The following PGAP2 variants were observed in gnomAD, a reference collection of about 807,000 sequenced individuals.
The protein encoded by PGAP2 is post-GPI attachment to proteins 2.
Under a neutral mutation model 33.2 loss-of-function variants are expected in PGAP2, and 21 were observed. That is an observed-to-expected ratio of 0.63 (90% CI 0.45 to 0.91). PGAP2 has a LOEUF of 0.91. PGAP2 is among the 40% of genes least tolerant of loss of function. The pLI is 0.00. For missense variants in PGAP2, 345 were observed against 424.0 expected (o/e 0.81, Z 1.64); for synonymous variants, 161 against 172.9 (o/e 0.93, Z 0.54).
upstream of PGAP2, among the ~76,000 whole-genome samples, chr11:3,804,087 A>G (rs113887832): frequency 0.027 from 4,164 of 152,206 alleles, 192 homozygotes; most frequent in African/African-American, 0.094. Flanking sequence ...CACCATGCCC[A>G]GCCCATTTTT....
At chr11:3,808,295 T>TA, upstream of PGAP2, 1 of 1,551,270 alleles carries the variant, frequency 6.4e-7, no homozygotes, top group Non-Finnish European at 8.7e-7. Context: ...TTTCAACAGG[T>TA]AGATGGAACG....
chr11:3,825,567 G>A lies in PGAP2; in HGVS notation c.*109G>A. On this transcript the variant is annotated 3_prime_UTR_variant, in exon 7 of 7. Transcript: ENST00000278243. The stretch of plus-strand genomic sequence containing the variant: ...TCCTCTCTTGGCCTTACTGAAGATG[G>A]GGGAAGGGTAAGAAGGAAGGGTGTA... 3.3e-6 allele frequency: 4 copies of A among 1,219,212 alleles called. No individual in the cohort carries two copies. The highest frequency in any genetic ancestry group is 4.6e-6 in the Non-Finnish European group (4 of 872,234). 75.5% of individuals were successfully genotyped at this position (1,219,212 alleles called of 1,614,324 possible). A position where few individuals can be genotyped will look rare whatever the true frequency, so the allele number is the denominator to read the frequency against.
At chr11:3,798,499 T>C (rs1360018163) in intron 1 of PGAP2, among the ~76,000 whole-genome samples, 1 of 151,616 alleles carries the variant, frequency 6.6e-6, no homozygotes, top group Non-Finnish European at 1.5e-5. Flanking sequence ...CCAGCTAATT[T>C]TTGTATTTAT....
At chr11:3,817,748 T>G (rs1392053936) in intron 3 of PGAP2, 1 of 687,598 alleles carries the variant, frequency 1.5e-6, no homozygotes, top group Non-Finnish European at 2.7e-6. Flanking sequence ...AAGATGATGA[T>G]AGAAATGCAA....
chr11:3,813,735 G>C (rs1453074555), intron 2 of PGAP2, among the ~76,000 whole-genome samples: 11 of 152,098 alleles, frequency 7.2e-5, no homozygotes, highest in Non-Finnish European at 1.6e-4. Context: ...AGTGCCCTGG[G>C]GAAAGGAAGG....
rs747301246 is a variant in PGAP2 at position 3,825,506 on chromosome 11, GA to G, written c.*51del. 2.3e-4 allele frequency: 361 copies of G among 1,589,454 alleles called. No homozygotes were observed. The highest frequency in any genetic ancestry group is 2.7e-4 in the Non-Finnish European group (316 of 1,166,722). On this transcript the variant is annotated 3_prime_UTR_variant, in exon 7 of 7. Coordinates refer to ENST00000278243, the MANE Select transcript of PGAP2 (RefSeq NM_014489.4). Reference sequence around the variant, plus strand: ...GACGCAGCCCACTGCCCAGAAACAAGAAACACGATACCATTCTGGCCTTCCC... The same window carrying G: ...GACGCAGCCCACTGCCCAGAAACAAGAACACGATACCATTCTGGCCTTCCC...
At chr11:3,817,654 G>A (rs779066417) in intron 3 of PGAP2, 119 bp downstream of exon 3, 3 of 843,104 alleles carry the variant, frequency 3.6e-6, no homozygotes, top group South Asian at 1.4e-5. Flanking sequence ...CAAGGGGATG[G>A]GGGAAGGGTA....
upstream of PGAP2, chr11:3,808,491 G>A: frequency 7.1e-7 from 1 of 1,415,796 alleles, no homozygotes; most frequent in Non-Finnish European, 9.2e-7. Context: ...GCGGGGAGGA[G>A]CCAGCGGAGG....
chr11:3,824,475 C>A, intron 5 of PGAP2, 99 bp downstream of exon 5: 2 of 1,581,892 alleles, frequency 1.3e-6, no homozygotes, highest in African/African-American at 1.3e-5. Context: ...GAACTGAGTT[C>A]TAATGGGAAC....
chr11:3,826,329 A>G lies in PGAP2; in HGVS notation c.*871A>G, dbSNP rs1255798559. The G allele has an allele frequency of 1.3e-5, 2 of 152,130 alleles. No individual in the cohort carries two copies. 9.4% of individuals were successfully genotyped at this position (152,130 alleles called of 1,614,324 possible). On this transcript the variant is annotated 3_prime_UTR_variant, in exon 7 of 7. Coordinates refer to ENST00000278243, the MANE Select transcript of PGAP2 (RefSeq NM_014489.4). ...TGGTTGTACATTTTATTTGAAAGGA[A>G]AATAAATTTTTTTTTTGGGCCAACA...
chr11:3,821,919 A>C (rs1035464476), intron 3 of PGAP2, among the ~76,000 whole-genome samples: 1 of 150,312 alleles, frequency 6.7e-6, no homozygotes, highest in Non-Finnish European at 1.5e-5. Flanking sequence ...AAAAAAATCC[A>C]AAAAATTAGC....
At chr11:3,803,111 A>G (rs946603234) in intron 1 of PGAP2, among the ~76,000 whole-genome samples, 5 of 151,242 alleles carry the variant, frequency 3.3e-5, no homozygotes, top group African/African-American at 1.2e-4. Flanking sequence ...CTCCTGCCTC[A>G]GCCTCCCGAG....
At chr11:3,808,214 T>G, upstream of PGAP2, 1 of 1,515,300 alleles carries the variant, frequency 6.6e-7, no homozygotes, top group African/African-American at 1.4e-5. Flanking sequence ...TCGGTTAGAA[T>G]GGAGGTGCGA....
chr11:3,799,944 G>A (rs1288895697), intron 1 of PGAP2, among the ~76,000 whole-genome samples: 1 of 152,128 alleles, frequency 6.6e-6, no homozygotes, highest in Admixed American at 6.6e-5. Flanking sequence ...CTCCCGCCTG[G>A]GCAACAGACG....
chr11:3,818,593 C>G (rs1268563118), intron 3 of PGAP2, among the ~76,000 whole-genome samples: 1 of 152,158 alleles, frequency 6.6e-6, no homozygotes, highest in Non-Finnish European at 1.5e-5. Flanking sequence ...ACTGGCAGCC[C>G]CAGGCCCCAC....
exon 1 of PGAP2, chr11:3,797,955 A>G: frequency 6.5e-7 from 1 of 1,548,180 alleles, no homozygotes; most frequent in Non-Finnish European, 8.7e-7. Context: ...GCTCGGGCCA[A>G]TCAGAGGGAC....
rs1364520584 is a variant in PGAP2 at position 3,811,265 on chromosome 11, C to CCAGGT, written c.8_12dup (p.Pro5ArgfsTer122). ...CCATCCCCAGGTCTGACAAGATGTA[C>CCAGGT]CAGGTCCCACTACCACTGGATCGGG... On this transcript the variant is annotated frameshift_variant, in exon 2 of 7. Coordinates refer to ENST00000278243, the MANE Select transcript of PGAP2 (RefSeq NM_014489.4). LOFTEE classifies it high-confidence loss of function. The surrounding 1 kb of genome is among the most constrained non-coding windows in gnomAD (Gnocchi z 4.6). 5 of 1,612,842 alleles carry CCAGGT rather than the reference C, an allele frequency of 3.1e-6. No individual in the cohort carries two copies. Among genetic ancestry groups the CCAGGT allele is most frequent in the Non-Finnish European group, 4.2e-6 (5 of 1,179,254 alleles).
intron 3 of PGAP2, chr11:3,823,584 G>T: frequency 6.5e-7 from 1 of 1,535,270 alleles, no homozygotes; most frequent in Non-Finnish European, 8.7e-7. Flanking sequence ...TAGAGCATCT[G>T]AACCCATCTA....
intron 5 of PGAP2, 108 bp from the exon 6 acceptor site, chr11:3,824,912 T>C: frequency 6.5e-7 from 1 of 1,534,774 alleles, no homozygotes. Context: ...TGACCGCTAG[T>C]GGGAGCCAAG....
Sources: gnomAD v4.1 joint callset for allele counts (sites outside exome capture counted in the v4.1 genomes callset) on GRCh38, gnomAD v4.1.1 for gene constraint, Gnocchi (gnomAD v3.1) non-coding constraint, MANE v1.5 for transcripts, NCBI Gene and HGNC (gene_info 2026-07-23, HGNC 2026-07-21) for gene names.